The following STAU1 variants were observed in gnomAD, a reference collection of about 807,000 sequenced individuals.
STAU1 encodes double-stranded RNA-binding protein Staufen homolog 1.
STAU1 carries 13 observed loss-of-function variants against 62.9 expected under a neutral mutation model. The observed-to-expected ratio is 0.21, with a 90% CI of 0.13 to 0.33. The LOEUF is 0.33. Ranked by LOEUF, STAU1 falls within the 10% of genes least tolerant of loss-of-function variation. STAU1 has a pLI of 1.00. For missense variants in STAU1, 571 were observed against 712.1 expected, an observed-to-expected ratio of 0.80 and a Z score of 2.25; for synonymous variants, 269 against 265.1, an observed-to-expected ratio of 1.01 and a Z score of -0.14.
chr20:49,214,085 C>T, the STAU1 span, among the ~76,000 whole-genome samples: 23 of 152,012 alleles, frequency 1.5e-4, no homozygotes, highest in African/African-American at 5.5e-4. Flanking sequence ...GGTGATGCAC[C>T]CCTGTAATCC....
chr20:49,125,071 T>TAAAAAAA (rs11473077), intron 6 of STAU1, among the ~76,000 whole-genome samples: 1 of 83,850 alleles, frequency 1.2e-5, no homozygotes, highest in African/African-American at 4.4e-5. Flanking sequence ...ACACATTAAG[T>TAAAAAAA]AAAAAAAAAA....
intron 3 of STAU1, among the ~76,000 whole-genome samples, chr20:49,163,143 G>C (rs574380547): frequency 1.1e-4 from 17 of 151,290 alleles, no homozygotes; most frequent in Non-Finnish European, 2.2e-4. Context: ...AGTGAGCCAA[G>C]ATTGTGCCAC....
chr20:49,175,400 G>C (rs1327172731), intron 1 of STAU1, among the ~76,000 whole-genome samples: 5 of 151,936 alleles, frequency 3.3e-5, no homozygotes, highest in Admixed American at 6.6e-5. Context: ...ATTTATAAGA[G>C]ACAGCAGAAC....
At chr20:49,192,399 A>G (rs1400691117), upstream of STAU1, among the ~76,000 whole-genome samples, 1 of 152,028 alleles carries the variant, frequency 6.6e-6, no homozygotes, top group Non-Finnish European at 1.5e-5. Context: ...GGAAGATCCC[A>G]TTTACAAAGC....
At chr20:49,200,549 C>G in the STAU1 span, among the ~76,000 whole-genome samples, 1 of 151,344 alleles carries the variant, frequency 6.6e-6, no homozygotes. Flanking sequence ...TGCAGTGAGC[C>G]GAGATCGCAC....
At chr20:49,207,675 C>T in the STAU1 span, among the ~76,000 whole-genome samples, 1 of 121,912 alleles carries the variant, frequency 8.2e-6, no homozygotes, top group Non-Finnish European at 1.7e-5. Context: ...ACCACCACAC[C>T]TGCGTAATTT....
intron 3 of STAU1, among the ~76,000 whole-genome samples, chr20:49,157,119 C>T (rs2093371949): frequency 1.3e-5 from 2 of 152,088 alleles, no homozygotes; most frequent in Admixed American, 1.3e-4. Flanking sequence ...TCAAGTGATC[C>T]ACCTGCCTCA....
chr20:49,120,002 C>T lies in STAU1; in HGVS notation c.1093G>A (p.Ala365Thr), dbSNP rs1191168560. The change falls in exon 9 of 14, where the codon GCA becomes ACA. Residue 365 changes from alanine to threonine, a missense_variant. This residue lies in a region of STAU1 where 414 missense variants were observed against 499.6 expected (regional missense o/e 0.83). Coordinates refer to ENST00000371856, the MANE Select transcript of STAU1 (RefSeq NM_017453.4). ...KVPQAQPTKP[A>T]LKSEEKTPIK... ...CTCACCTTCTCCTCTGACTTGAGTGCGGGTTTGGTGGGCTGCGCCTGCGGG... is the reference window on the plus strand; with the variant it reads ...CTCACCTTCTCCTCTGACTTGAGTGTGGGTTTGGTGGGCTGCGCCTGCGGG... 3 of 1,614,056 alleles carry T rather than the reference C, an allele frequency of 1.9e-6. No homozygotes were observed. Among genetic ancestry groups the T allele is most frequent in the Non-Finnish European group, 2.5e-6 (3 of 1,179,964 alleles).
rs753380705 is a variant in STAU1, at chr20:49,117,963, C to G, written c.1323G>C (p.Arg441Ser). The G allele has an allele frequency of 6.2e-7, 1 of 1,614,152 alleles. No individual in the cohort carries two copies. Among genetic ancestry groups the G allele is most frequent in the Admixed American group, 1.7e-5 (1 of 60,014 alleles). The change falls in exon 11 of 14, where the codon AGG becomes AGC. Residue 441 changes from arginine (R) to serine (S), a missense_variant. Around this residue, in one of 3 missense-constraint regions of STAU1, gnomAD observed 156 missense variants for 194.7 expected, o/e 0.80. Transcript: ENST00000371856. This position sits in a 1 kb window ranked among gnomAD's most constrained non-coding sequence, Gnocchi z 4.6. The stretch of plus-strand genomic sequence containing the variant: ...TGGCCTTGGCAGGATTCGGAGCTGC[C>G]CTGGTAAAATCTTTGGTGTGATGTC... The part of the protein sequence containing the change: ...SQGHHTKDFT[R>S]AAPNPAKATV...
the STAU1 span, among the ~76,000 whole-genome samples, chr20:49,197,390 C>A: frequency 1.4e-5 from 2 of 143,154 alleles, no homozygotes; most frequent in Non-Finnish European, 3.0e-5. Context: ...ACATAATTTT[C>A]TTTTCTTTTT....
chr20:49,117,636 C>A lies in STAU1; in HGVS notation c.1509+141G>T. The A allele has an allele frequency of 2.5e-6, 2 of 795,302 alleles. No individual in the cohort carries two copies. Among genetic ancestry groups the A allele is most frequent in the Non-Finnish European group, 1.9e-6 (1 of 512,958 alleles). 49.3% of individuals were successfully genotyped at this position (795,302 alleles called of 1,614,324 possible). A position where few individuals can be genotyped will look rare whatever the true frequency, so the allele number is the denominator to read the frequency against. On this transcript the variant is annotated intron_variant, in intron 11 of 13. Transcript: ENST00000371856. This position sits in a 1 kb window ranked among gnomAD's most constrained non-coding sequence, Gnocchi z 4.6. ...TTACAATACTTCTATACCTCCTACC[C>A]TTCCATCACTGCTCCCCAGCCCATC...
At chr20:49,182,838 CAA>C (rs1180599599) in intron 1 of STAU1, among the ~76,000 whole-genome samples, 1 of 58,908 alleles carries the variant, frequency 1.7e-5, no homozygotes. Context: ...GACTCCGTCT[CAA>C]AAAAAAAAAA....
At chr20:49,114,978 A>G in intron 13 of STAU1, 85 bp from the exon 14 acceptor site, 2 of 1,429,964 alleles carry the variant, frequency 1.4e-6, no homozygotes, top group East Asian at 2.3e-5. Context: ...AAATTGGCAA[A>G]CATCAGGAAG....
At chr20:49,123,876 C>T (rs996312236) in intron 7 of STAU1, among the ~76,000 whole-genome samples, 2 of 152,204 alleles carry the variant, frequency 1.3e-5, no homozygotes, top group Non-Finnish European at 1.5e-5. Context: ...GGAATTATGT[C>T]CCCTTTCTGG....
At chr20:49,115,592 T>C (rs1419987584) in intron 13 of STAU1, among the ~76,000 whole-genome samples, 190 bp downstream of exon 13, 3 of 152,098 alleles carry the variant, frequency 2.0e-5, no homozygotes, top group Non-Finnish European at 4.4e-5. Flanking sequence ...TGAGCCGCTG[T>C]TCCCAGCCTC....
chr20:49,133,909 G>A (rs969986537), intron 6 of STAU1, among the ~76,000 whole-genome samples: 2 of 152,130 alleles, frequency 1.3e-5, no homozygotes, highest in African/African-American at 4.8e-5. Flanking sequence ...ATCATCACTC[G>A]GCCAAAGGAT....
chr20:49,152,966 A>C (rs2093280874), intron 4 of STAU1, among the ~76,000 whole-genome samples: 2 of 152,090 alleles, frequency 1.3e-5, no homozygotes. Context: ...AGAAGCACAA[A>C]GGAGCCGGGC....
chr20:49,162,050 C>G (rs963840376), intron 3 of STAU1, among the ~76,000 whole-genome samples: 1 of 152,162 alleles, frequency 6.6e-6, no homozygotes. Context: ...CCAGCTGTAC[C>G]CCGCCCATTA....
chr20:49,189,456 G>A (rs1022826181), upstream of STAU1, among the ~76,000 whole-genome samples: 5 of 150,684 alleles, frequency 3.3e-5, no homozygotes, highest in Non-Finnish European at 7.4e-5. Context: ...CTAACATGGT[G>A]AAACCCCGTC....
Sources: gnomAD v4.1 joint callset for allele counts (sites outside exome capture counted in the v4.1 genomes callset) on GRCh38, gnomAD v4.1.1 for gene constraint, gnomAD v4.1.1 regional missense constraint, Gnocchi (gnomAD v3.1) non-coding constraint, MANE v1.5 for transcripts, NCBI Gene and HGNC (gene_info 2026-07-23, HGNC 2026-07-21) for gene names.